Variants in HUWE1 observed in about 807,000 individuals in gnomAD.
The protein encoded by HUWE1 is HECT, UBA and WWE domain containing E3 ubiquitin protein ligase 1, also known as E3 ubiquitin-protein ligase HUWE1.
HUWE1 carries 18 observed loss-of-function variants against 299.4 expected under a neutral mutation model. That is an observed-to-expected ratio of 0.06 (90% CI 0.04 to 0.09). The LOEUF (loss-of-function observed/expected upper bound fraction) is 0.09. HUWE1 is among the 10% of genes least tolerant of loss of function. The pLI is 1.00. For synonymous variants in HUWE1, 1,317 were observed against 1,286.1 expected (o/e 1.02, Z -0.51); for missense variants, 1,832 against 3,462.3 (o/e 0.53, Z 11.82).
At chrX:53,642,540 G>A (rs1298994957) in intron 7 of HUWE1, among the ~76,000 whole-genome samples, 3 of 111,765 alleles carry the variant, frequency 2.7e-5, no homozygotes, top group Non-Finnish European at 3.8e-5. Context: ...CTCTGACAGA[G>A]ATCACGTTTA....
At position 53,561,812 on chromosome X, in the gene HUWE1, C is replaced by T. The variant is rs1057173528; in HGVS notation, c.7451G>A (p.Arg2484His). 2.5e-6 allele frequency: 3 copies of T among 1,209,100 alleles called. No individual in the cohort carries two copies. The highest frequency in any genetic ancestry group is 2.2e-5 in the Admixed American group (1 of 45,660). Reference sequence around the variant, plus strand: ...GATGAGATCATCCTCCCGGTCAAAGCGCTCAAATCGGACCAAGGGAGAAGC... The same window carrying T: ...GATGAGATCATCCTCCCGGTCAAAGTGCTCAAATCGGACCAAGGGAGAAGC... ...MNASPLVRFE[R>H]FDREDDLIIE... The change falls in exon 55 of 84, where the codon CGC becomes CAC. Residue 2484 changes from arginine (R) to histidine (H), a missense_variant. Transcript: ENST00000262854.
At chrX:53,590,900 GT>G in intron 34 of HUWE1, 99 bp downstream of exon 34, 1 of 1,032,155 alleles carries the variant, frequency 9.7e-7, no homozygotes, top group Middle Eastern at 3.3e-4. Flanking sequence ...ATGAGAAGCA[GT>G]TTATAGAAAG....
chrX:53,587,692 C>G (rs1162539752), intron 37 of HUWE1, among the ~76,000 whole-genome samples: 1 of 111,457 alleles, frequency 9.0e-6, no homozygotes, highest in Admixed American at 9.5e-5. Context: ...TAAAGGAAAC[C>G]CCCAAGACAG....
At chrX:53,577,499 CTCTCCCTCTCCCTCT>C (rs2063179611) in intron 43 of HUWE1, among the ~76,000 whole-genome samples, 1 of 56,396 alleles carries the variant, frequency 1.8e-5, no homozygotes, top group African/African-American at 5.1e-5. Flanking sequence ...CCTCTCCCTC[CTCTCCCTCTCCCTCT>C]CCCTCTCCCT....
chrX:53,648,478 C>T (rs1416992754), intron 4 of HUWE1, among the ~76,000 whole-genome samples, 168 bp from the exon 5 acceptor site: 3 of 107,872 alleles, frequency 2.8e-5, no homozygotes, highest in Non-Finnish European at 5.7e-5. Context: ...AAAATGGAAA[C>T]CTCATGAGAA....
intron 25 of HUWE1, among the ~76,000 whole-genome samples, 185 bp downstream of exon 25, chrX:53,607,338 T>C (rs2065204805): frequency 8.9e-6 from 1 of 112,509 alleles, no homozygotes; most frequent in South Asian, 3.7e-4. Flanking sequence ...AAAAATACTT[T>C]GACTTTTCAA....
chrX:53,586,692 T>G, intron 38 of HUWE1, 90 bp downstream of exon 38: 1 of 1,107,295 alleles, frequency 9.0e-7, no homozygotes, highest in Non-Finnish European at 1.2e-6. Flanking sequence ...ACCACAAATT[T>G]GCCCCATACA....
intron 39 of HUWE1, 83 bp downstream of exon 39, chrX:53,586,407 A>T (rs939840223): frequency 1.7e-6 from 1 of 604,179 alleles, no homozygotes; most frequent in Admixed American, 2.5e-5. Flanking sequence ...TATATTCTTC[A>T]CTACTCTCTC....
chrX:53,545,094 G>T lies in HUWE1; in HGVS notation c.10983C>A (p.Leu3661=), dbSNP rs782507140. 2.5e-6 allele frequency: 3 copies of T among 1,210,257 alleles called. No individual in the cohort carries two copies. The South Asian group carries it at 5.3e-5, about 21-fold the overall frequency. ...GCTCCTCAGGCAGGCCATCAGGAGA[G>T]AGGGTTTCACATTGGGCTCGCCGCT... ...EQQRRAQCET[L]SPDGLPEEQP... is the part of the protein sequence containing the mutation. The change falls in exon 71 of 84, where the codon CTC becomes CTA. Residue 3661 remains leucine, a synonymous_variant. Transcript: ENST00000262854.
intron 73 of HUWE1, chrX:53,543,586 G>A (rs1602541476): frequency 2.5e-6 from 1 of 392,546 alleles, no homozygotes; most frequent in East Asian, 4.8e-5. Flanking sequence ...GCATCAGGCA[G>A]TTTGCAAAAG....
intron 60 of HUWE1, among the ~76,000 whole-genome samples, chrX:53,555,673 GCT>G (rs1261418301): frequency 1.9e-3 from 135 of 72,408 alleles, no homozygotes; most frequent in African/African-American, 7.2e-3. Context: ...ACAGAGTCTT[GCT>G]CTGTTGCCCA....
chrX:53,601,317 G>A (rs2064824459), intron 28 of HUWE1, among the ~76,000 whole-genome samples: 1 of 109,536 alleles, frequency 9.1e-6, no homozygotes, highest in Non-Finnish European at 1.9e-5. Flanking sequence ...TAGTAGCTGG[G>A]ACTACAGGCA....
chrX:53,618,459 T>A (rs2065923350), intron 19 of HUWE1, among the ~76,000 whole-genome samples: 1 of 111,141 alleles, frequency 9.0e-6, no homozygotes, highest in Admixed American at 9.6e-5. Context: ...AAATATATTC[T>A]ACAAACTATA....
chrX:53,568,147 T>C (rs2062657408), intron 49 of HUWE1, among the ~76,000 whole-genome samples: 1 of 111,990 alleles, frequency 8.9e-6, no homozygotes, highest in Non-Finnish European at 1.9e-5. Context: ...AAGTCCTTAA[T>C]TGGATTCTGG....
chrX:53,561,253 G>A (rs1243215182), intron 55 of HUWE1, among the ~76,000 whole-genome samples: 1 of 111,927 alleles, frequency 8.9e-6, no homozygotes, highest in African/African-American at 3.2e-5. Context: ...CTAACTTGAC[G>A]CTAAAAGGGA....
intron 68 of HUWE1, among the ~76,000 whole-genome samples, chrX:53,547,124 C>G (rs1379451900): frequency 8.9e-6 from 1 of 112,085 alleles, no homozygotes; most frequent in Non-Finnish European, 1.9e-5. Flanking sequence ...AAAAGAAACC[C>G]CAGGCATTTC....
intron 4 of HUWE1, among the ~76,000 whole-genome samples, chrX:53,650,093 T>C: frequency 8.9e-6 from 1 of 112,226 alleles, no homozygotes; most frequent in South Asian, 3.7e-4. Context: ...GGGCAACTTG[T>C]ATCATAGCCT....
At position 53,536,225 on chromosome X, in the gene HUWE1, G is replaced by A; in HGVS notation, c.12453C>T (p.Tyr4151=). 3 of 1,195,510 alleles carry A rather than the reference G, an allele frequency of 2.5e-6. No homozygotes were observed. The highest frequency in any genetic ancestry group is 3.4e-6 in the Non-Finnish European group (3 of 881,162). Reference sequence around the variant, plus strand: ...GATAAACCAGACCTTGGTAGAAGTGGTAATCTTCACTCTCCATATCTGTAT... The same window carrying A: ...GATAAACCAGACCTTGGTAGAAGTGATAATCTTCACTCTCCATATCTGTAT... ...VRYTDMESED[Y]HFYQGLVYLL... is the part of the protein sequence containing the mutation. The change falls in exon 80 of 84, where the codon TAC becomes TAT. Residue 4151 remains tyrosine (Y), a synonymous_variant. Transcript: ENST00000262854.
At chrX:53,660,067 A>C (rs1255749508) in intron 3 of HUWE1, among the ~76,000 whole-genome samples, 1 of 112,021 alleles carries the variant, frequency 8.9e-6, no homozygotes, top group African/African-American at 3.3e-5. Context: ...TGGATAATTA[A>C]TGCAGCCAAG....
Sources: allele counts gnomAD v4.1 joint callset (sites outside exome capture counted in the v4.1 genomes callset), GRCh38; gene constraint gnomAD v4.1.1; transcripts MANE v1.5; gene names NCBI Gene and HGNC (gene_info 2026-07-23, HGNC 2026-07-21).